Variants in PCAT7 observed in about 807,000 individuals in gnomAD.
PCAT7 encodes prostate cancer associated transcript 7, also known as prostate cancer associated transcript 7 (non-protein coding).
At chr9:94,561,352 A>ACTTTTTTT (rs1827097696) in intron 2 of PCAT7, among the ~76,000 whole-genome samples, 6 of 54,966 alleles carry the variant, frequency 1.1e-4, no homozygotes, top group African/African-American at 3.9e-4. Context: ...TGTGACCTGT[A>ACTTTTTTT]TTTTTTTTTT....
intron 2 of PCAT7, among the ~76,000 whole-genome samples, chr9:94,559,846 CAGAG>C (rs1384867838): frequency 2.0e-5 from 3 of 152,130 alleles, no homozygotes; most frequent in African/African-American, 4.8e-5. Context: ...AGTGCCGACA[CAGAG>C]AAAGTGTTGG....
chr9:94,566,465 C>T (rs1055260532), intron 2 of PCAT7, among the ~76,000 whole-genome samples: 16 of 152,268 alleles, frequency 1.1e-4, no homozygotes, highest in African/African-American at 3.6e-4. Flanking sequence ...TAATTTGGCC[C>T]ATCCCTTCCT....
chr9:94,558,959 C>T (rs1827050728), intron 1 of PCAT7: 2 of 1,613,994 alleles, frequency 1.2e-6, no homozygotes, highest in Non-Finnish European at 1.7e-6. Flanking sequence ...CCTGATTTTT[C>T]TGCACACAGG....
chr9:94,561,984 G>A (rs541415091), intron 2 of PCAT7, among the ~76,000 whole-genome samples: 2 of 152,192 alleles, frequency 1.3e-5, no homozygotes, highest in African/African-American at 4.8e-5. Flanking sequence ...TCTCCCCAAT[G>A]TAACTGAGTA....
intron 3 of PCAT7, among the ~76,000 whole-genome samples, chr9:94,573,416 C>T (rs1827288159): frequency 2.0e-5 from 3 of 152,068 alleles, no homozygotes; most frequent in African/African-American, 7.2e-5. Context: ...GCACTACCAC[C>T]CCCCTCTCCA....
At chr9:94,561,747 CA>C (rs1039473884) in intron 2 of PCAT7, among the ~76,000 whole-genome samples, 4 of 152,146 alleles carry the variant, frequency 2.6e-5, no homozygotes, top group African/African-American at 9.7e-5. Flanking sequence ...CACATGCACA[CA>C]CAGACACACA....
At chr9:94,571,706 C>T (rs769620824) in intron 2 of PCAT7, 22 of 1,074,128 alleles carry the variant, frequency 2.0e-5, no homozygotes, top group South Asian at 1.3e-4. Flanking sequence ...GAAGGAAGCG[C>T]GGTTCTTTGA....
intron 2 of PCAT7, among the ~76,000 whole-genome samples, chr9:94,559,319 C>T (rs757121856): frequency 7.9e-5 from 12 of 152,210 alleles, no homozygotes; most frequent in Non-Finnish European, 1.5e-4. Flanking sequence ...TCAGATGGCA[C>T]TCATCCAGAA....
At chr9:94,560,759 T>A (rs1298321185) in intron 2 of PCAT7, among the ~76,000 whole-genome samples, 1 of 148,184 alleles carries the variant, frequency 6.7e-6, no homozygotes, top group Non-Finnish European at 1.5e-5. Context: ...TATATATTTA[T>A]ATAATGTTAT....
rs775781859 is a variant in PCAT7, at chr9:94,571,485, C to T, written n.442-1494C>T. Reference sequence around the variant, plus strand: ...ACCGGGTCAAGCATGAAGAGGTCCACGCCTTGCCCTGTGGAGAGAGCCACC... The same window carrying T: ...ACCGGGTCAAGCATGAAGAGGTCCATGCCTTGCCCTGTGGAGAGAGCCACC... On this transcript the variant is annotated intron_variant and non_coding_transcript_variant, in intron 2 of 8. Coordinates refer to ENST00000647389, the Ensembl canonical transcript of PCAT7. 2.3e-5 allele frequency: 37 copies of T among 1,613,102 alleles called. No individual in the cohort carries two copies. In the South Asian group the frequency reaches 2.6e-4, roughly 12 times the overall value.
chr9:94,558,926 G>A (rs767352226), intron 1 of PCAT7: 3 of 1,613,478 alleles, frequency 1.9e-6, no homozygotes, highest in Non-Finnish European at 1.7e-6. Flanking sequence ...AGGGCATGTG[G>A]GGTCAAACTC....
chr9:94,569,798 GAAC>G (rs1345845216), intron 2 of PCAT7: 1 of 152,180 alleles, frequency 6.6e-6, no homozygotes, highest in Non-Finnish European at 1.5e-5. Context: ...CTCTGTGCCT[GAAC>G]AATATGTGTG....
At chr9:94,562,534 C>CT (rs1271064463) in intron 2 of PCAT7, among the ~76,000 whole-genome samples, 1 of 152,076 alleles carries the variant, frequency 6.6e-6, no homozygotes, top group Non-Finnish European at 1.5e-5. Flanking sequence ...TGTGAGATCT[C>CT]TCAGCGTGGC....
intron 2 of PCAT7, chr9:94,567,469 A>G (rs1827208093): frequency 5.6e-6 from 9 of 1,595,348 alleles, no homozygotes; most frequent in Non-Finnish European, 6.8e-6. Context: ...CCAACCGCAC[A>G]ATCCCCACAT....
At chr9:94,559,003 G>A in exon 2 of PCAT7, 1 of 1,614,134 alleles carries the variant, frequency 6.2e-7, no homozygotes, top group Non-Finnish European at 8.5e-7. Flanking sequence ...GGTGACCCCA[G>A]AATGAGGGGG....
intron 2 of PCAT7, among the ~76,000 whole-genome samples, chr9:94,564,354 T>G (rs1186575979): frequency 6.6e-6 from 1 of 152,180 alleles, no homozygotes; most frequent in Non-Finnish European, 1.5e-5. Context: ...TAAAGACACA[T>G]GCACATGTAT....
intron 2 of PCAT7, among the ~76,000 whole-genome samples, chr9:94,561,846 T>A (rs1827109607): frequency 6.6e-6 from 1 of 152,210 alleles, no homozygotes; most frequent in Non-Finnish European, 1.5e-5. Context: ...GTGGTGGTTA[T>A]GCGCAGCAAA....
At chr9:94,555,408 C>CA (rs1826993563) in intron 1 of PCAT7, 1 of 151,390 alleles carries the variant, frequency 6.6e-6, no homozygotes, top group Non-Finnish European at 1.5e-5. Context: ...GAAGGCGTTG[C>CA]AAAAAGACGA....
intron 1 of PCAT7, among the ~76,000 whole-genome samples, chr9:94,555,778 A>G (rs2131433859): frequency 6.6e-6 from 1 of 151,982 alleles, no homozygotes; most frequent in East Asian, 1.9e-4. Flanking sequence ...GATGGTAGGT[A>G]AAAAGTGTTT....
Sources: gnomAD v4.1 joint callset for allele counts (sites outside exome capture counted in the v4.1 genomes callset) on GRCh38, gnomAD v4.1.1 for gene constraint, MANE v1.5 for transcripts, NCBI Gene and HGNC (gene_info 2026-07-23, HGNC 2026-07-21) for gene names.